Variants in RHOBTB3 observed in about 807,000 individuals in gnomAD.
RHOBTB3 encodes the protein Rho related BTB domain containing 3.
RHOBTB3 carries 47 observed loss-of-function variants against 67.2 expected under a neutral mutation model. The ratio of observed to expected loss-of-function variants is 0.70; its 90% CI spans 0.55 to 0.89. RHOBTB3 has a LOEUF of 0.89. RHOBTB3 is among the 40% of genes least tolerant of loss of function. The probability of loss-of-function intolerance (pLI) is 0.00; values close to 1 mark genes in which losing one functional copy is unlikely to be tolerated. For missense variants in RHOBTB3, 631 were observed against 750.0 expected (o/e 0.84, Z 1.85); for synonymous variants, 273 against 274.2 (o/e 1.00, Z 0.04).
intron 2 of RHOBTB3, among the ~76,000 whole-genome samples, chr5:95,734,416 T>C (rs977524384): frequency 6.6e-6 from 1 of 152,194 alleles, no homozygotes; most frequent in African/African-American, 2.4e-5. Context: ...TTCTTCATAA[T>C]TCTAGAAATC....
At chr5:95,730,847 T>G (rs745776366), upstream of RHOBTB3, 1 of 453,836 alleles carries the variant, frequency 2.2e-6, no homozygotes, top group South Asian at 1.6e-5. Context: ...AAGTATGATT[T>G]TAGAAAACAG....
chr5:95,733,697 T>G (rs1755372447), intron 2 of RHOBTB3, among the ~76,000 whole-genome samples: 1 of 152,198 alleles, frequency 6.6e-6, no homozygotes, highest in Non-Finnish European at 1.5e-5. Context: ...CCAGGTACAA[T>G]TTTCTAGGTT....
intron 6 of RHOBTB3, among the ~76,000 whole-genome samples, chr5:95,760,202 C>A (rs1745358263): frequency 6.6e-6 from 1 of 152,174 alleles, no homozygotes; most frequent in South Asian, 2.1e-4. Flanking sequence ...TATTGAATAA[C>A]AACAAACACT....
At chr5:95,792,856 A>G (rs147450127) in intron 11 of RHOBTB3, among the ~76,000 whole-genome samples, 2 of 152,278 alleles carry the variant, frequency 1.3e-5, no homozygotes, top group East Asian at 1.9e-4. Context: ...CAAGATATAT[A>G]TAATTGTAAG....
intron 5 of RHOBTB3, among the ~76,000 whole-genome samples, chr5:95,753,136 CAA>C (rs1002789158): frequency 1.6e-5 from 2 of 124,454 alleles, no homozygotes; most frequent in East Asian, 2.3e-4. Flanking sequence ...GACTCTGTCT[CAA>C]AAAAAAAAAA....
rs1423467920 is a variant in RHOBTB3, at chr5:95,755,560, C to A, written c.847C>A (p.Leu283Met). ...VLCAVSHVFM[L>M]LFNVKSPTDI... ...CTGCGCTGTAAGCCATGTTTTCATGCTGCTTTTCAATGTGAAGAGTCCCAC... is the reference window on the plus strand; with the variant it reads ...CTGCGCTGTAAGCCATGTTTTCATGATGCTTTTCAATGTGAAGAGTCCCAC... Residue 283 changes from leucine (L) to methionine (M), a missense_variant, in exon 6 of 12, where the codon CTG becomes ATG. Transcript: ENST00000379982. 1 of 1,614,014 alleles carries A rather than the reference C, an allele frequency of 6.2e-7. No homozygotes were observed. The highest frequency in any genetic ancestry group is 8.5e-7 in the Non-Finnish European group (1 of 1,180,010).
chr5:95,768,071 C>G lies in RHOBTB3; in HGVS notation c.1187C>G (p.Thr396Ser), dbSNP rs1745600816. ...ATTAATTGCCTAAGGAATTGCAAAA[C>G]CTATCAAGCCAGAAAACCTTTGTGG... ...GKINCLRNCK[T>S]YQARKPLWFY... The change falls in exon 8 of 12, where the codon ACC becomes AGC. Residue 396 changes from threonine to serine, a missense_variant. Physicochemically the swap from Thr to Ser is moderately conservative, Grantham distance 58 (BLOSUM62 1). Transcript: ENST00000379982. 1.2e-6 allele frequency: 2 copies of G among 1,612,944 alleles called. No individual in the cohort carries two copies. The highest frequency in any genetic ancestry group is 1.7e-6 in the Non-Finnish European group (2 of 1,179,314).
At chr5:95,783,706 T>G in intron 9 of RHOBTB3, 91 bp from the exon 10 acceptor site, 1 of 1,125,406 alleles carries the variant, frequency 8.9e-7, no homozygotes, top group Non-Finnish European at 1.3e-6. Context: ...GCATGTTTTT[T>G]TAATTGTTGT....
intron 9 of RHOBTB3, 127 bp from the exon 10 acceptor site, chr5:95,783,670 C>G (rs1172314173): frequency 1.7e-6 from 1 of 601,832 alleles, no homozygotes; most frequent in Non-Finnish European, 2.7e-6. Flanking sequence ...CCTAACCATT[C>G]TATTCTATGG....
At chr5:95,748,013 G>T (rs1176761189) in intron 3 of RHOBTB3, among the ~76,000 whole-genome samples, 2 of 152,226 alleles carry the variant, frequency 1.3e-5, no homozygotes, top group African/African-American at 4.8e-5. Flanking sequence ...TACTGGCCTA[G>T]AAATACTGAT....
chr5:95,749,271 G>A lies in RHOBTB3; in HGVS notation c.570+784G>A, dbSNP rs190077543. On this transcript the variant is annotated intron_variant, in intron 4 of 11. Coordinates refer to ENST00000379982, the MANE Select transcript of RHOBTB3 (RefSeq NM_014899.4). ...TTTAAGCAGGAGCACTTTGGCATCC[G>A]CCATCGGTTCCCTAGCTCTTCACCA... Among the ~76,000 whole-genome samples the A allele has an allele frequency of 2.4e-3, 372 of 152,292 alleles. 3 individuals are homozygous for A. Among genetic ancestry groups the A allele is most frequent in the Non-Finnish European group, 4.1e-3 (281 of 68,032 alleles).
In RHOBTB3 at chr5:95,795,292, T is replaced by C. The variant is rs1192180679; in HGVS notation, c.*2118T>C. 6.6e-6 allele frequency: 1 copy of C among 152,176 alleles called. No homozygotes were observed. Among genetic ancestry groups the C allele is most frequent in the Non-Finnish European group, 1.5e-5 (1 of 68,038 alleles). The allele number at this position is 152,176 out of a possible 1,614,324, so 9.4% of individuals were successfully genotyped here. On this transcript the variant is annotated 3_prime_UTR_variant, in exon 12 of 12. Coordinates refer to ENST00000379982, the MANE Select transcript of RHOBTB3 (RefSeq NM_014899.4). ...AAATCCCATTTGACAAAGATTAGCA[T>C]TGTAAAAAACAGATACTGTGGTAGA...
rs74546320 is a variant in RHOBTB3, at chr5:95,739,204, G to A, written c.415+2129G>A. On this transcript the variant is annotated intron_variant, in intron 3 of 11. Transcript: ENST00000379982. ...CAGTCCTATCCATTCACCCAAACAAGAATCATCCTAGACCCAGCCCGATTC... is the reference window on the plus strand; with the variant it reads ...CAGTCCTATCCATTCACCCAAACAAAAATCATCCTAGACCCAGCCCGATTC... Among the ~76,000 whole-genome samples, 164 of 152,264 alleles carry A rather than the reference G, an allele frequency of 1.1e-3. 2 individuals carry two copies. In the East Asian group the frequency reaches 0.029, roughly 27 times the overall value.
At chr5:95,775,666 G>A (rs1177824072) in intron 8 of RHOBTB3, among the ~76,000 whole-genome samples, 1 of 151,822 alleles carries the variant, frequency 6.6e-6, no homozygotes, top group Non-Finnish European at 1.5e-5. Flanking sequence ...ATTATTAACA[G>A]ACAGCTAAAT....
At chr5:95,774,316 C>T (rs1015293056) in intron 8 of RHOBTB3, among the ~76,000 whole-genome samples, 2 of 152,226 alleles carry the variant, frequency 1.3e-5, no homozygotes, top group Admixed American at 1.3e-4. Context: ...CATAATTTCC[C>T]TCAAGTCAGT....
At chr5:95,745,720 A>G (rs1015118291) in intron 3 of RHOBTB3, among the ~76,000 whole-genome samples, 1 of 152,220 alleles carries the variant, frequency 6.6e-6, no homozygotes, top group Non-Finnish European at 1.5e-5. Context: ...AATGTTAGCT[A>G]GAAGTGTAGC....
At chr5:95,748,257 A>T in intron 3 of RHOBTB3, 76 bp from the exon 4 acceptor site, 1 of 1,089,544 alleles carries the variant, frequency 9.2e-7, no homozygotes. Flanking sequence ...TTTGTTGTTT[A>T]ATGTTCAGAT....
At chr5:95,774,205 C>T (rs536892707) in intron 8 of RHOBTB3, among the ~76,000 whole-genome samples, 1 of 151,856 alleles carries the variant, frequency 6.6e-6, no homozygotes, top group Admixed American at 6.6e-5. Context: ...GTTGTAAGTG[C>T]TCATTGTAGG....
At chr5:95,735,285 A>G (rs1276023936) in intron 2 of RHOBTB3, among the ~76,000 whole-genome samples, 1 of 100,926 alleles carries the variant, frequency 9.9e-6, no homozygotes, top group Non-Finnish European at 2.1e-5. Flanking sequence ...TGGTTCTTTT[A>G]CCTCCCTTCA....
Sources: gnomAD v4.1 joint callset for allele counts (sites outside exome capture counted in the v4.1 genomes callset) on GRCh38, gnomAD v4.1.1 for gene constraint, MANE v1.5 for transcripts, NCBI Gene and HGNC (gene_info 2026-07-23, HGNC 2026-07-21) for gene names.